Variants in PCDHA6 observed in about 807,000 individuals in gnomAD.
PCDHA6 encodes the protein protocadherin alpha-6.
PCDHA6 carries 55 observed loss-of-function variants against 60.3 expected under a neutral mutation model. That is an observed-to-expected ratio of 0.91 (90% confidence interval 0.73 to 1.14). The LOEUF (loss-of-function observed/expected upper bound fraction) is 1.14. Among genes scored for constraint, PCDHA6 ranks in the 50% most tolerant of loss-of-function variants. The probability of loss-of-function intolerance (pLI) is 0.00; values close to 1 mark genes in which losing one functional copy is unlikely to be tolerated. For missense variants in PCDHA6, 1,327 were observed against 1,256.5 expected (o/e 1.06, Z -0.85); for synonymous variants, 652 against 557.9 (o/e 1.17, Z -2.38).
intron 1 of PCDHA6, chr5:140,834,498 G>T: frequency 6.2e-7 from 1 of 1,614,130 alleles, no homozygotes; most frequent in Non-Finnish European, 8.5e-7. Context: ...CCCCGAGGAG[G>T]CTAAACATGG....
chr5:140,902,114 A>G (rs2069112413), intron 1 of PCDHA6, among the ~76,000 whole-genome samples: 1 of 151,286 alleles, frequency 6.6e-6, no homozygotes. Flanking sequence ...TTTTTTTAAA[A>G]CTGAGATTAT....
chr5:140,848,405 C>T, intron 1 of PCDHA6: 2 of 1,329,956 alleles, frequency 1.5e-6, no homozygotes, highest in Non-Finnish European at 2.1e-6. Flanking sequence ...TGAACGATGG[C>T]GAACACAGCA....
intron 1 of PCDHA6, chr5:140,882,426 G>A (rs148335988): frequency 6.1e-5 from 99 of 1,613,954 alleles, no homozygotes; most frequent in Non-Finnish European, 7.9e-5. Context: ...CAGGACCTGG[G>A]GCTGGAGCTG....
At chr5:140,840,775 T>C (rs1318625823) in intron 1 of PCDHA6, among the ~76,000 whole-genome samples, 1 of 152,052 alleles carries the variant, frequency 6.6e-6, no homozygotes, top group Non-Finnish European at 1.5e-5. Flanking sequence ...GTAGAAAAGT[T>C]AGAATTATAT....
At position 140,926,291 on chromosome 5, in the gene PCDHA6, G is replaced by A. The variant is rs545188065; in HGVS notation, c.2395-52658G>A. 3.9e-5 allele frequency: 6 copies of A among 152,438 alleles called. No individual in the cohort carries two copies. The South Asian group carries it at 1.0e-3, about 26-fold the overall frequency. 9.4% of individuals were successfully genotyped at this position (152,438 alleles called of 1,614,324 possible). A position where few individuals can be genotyped will look rare whatever the true frequency, so the allele number is the denominator to read the frequency against. ...CCTCCGCTCGGCAGCTCCACGCTGA[G>A]TCCCGCCCTCTCCGCCGGAGAGGTG... On this transcript the variant is annotated intron_variant, in intron 1 of 3. Transcript: ENST00000529310.
intron 1 of PCDHA6, among the ~76,000 whole-genome samples, chr5:140,909,351 T>C (rs2153508982): frequency 6.6e-6 from 1 of 152,238 alleles, no homozygotes; most frequent in African/African-American, 2.4e-5. Context: ...TACCAAGAGA[T>C]GTGTTAATTT....
At chr5:140,966,751 G>A (rs1554228608) in intron 1 of PCDHA6, 1 of 1,429,674 alleles carries the variant, frequency 7.0e-7, no homozygotes, top group Admixed American at 2.7e-5. Flanking sequence ...GGCTGCCTCC[G>A]CCGCGGCCAG....
intron 1 of PCDHA6, chr5:140,850,718 TTCTAGCGCGGTGGGGAGTTGGTCGTAC>T (rs2041783529): frequency 1.3e-6 from 2 of 1,597,556 alleles, no homozygotes; most frequent in African/African-American, 2.7e-5. Flanking sequence ...CGCTGGTGTG[TTCTAGCGCGGTGGGGAGTTGGTCGTAC>T]TCGCAGCAGA....
At position 140,978,454 on chromosome 5, in the gene PCDHA6, C is replaced by T. The variant is rs980177257; in HGVS notation, c.2395-495C>T. Among the ~76,000 whole-genome samples, 5 of 152,314 alleles carry T rather than the reference C, an allele frequency of 3.3e-5. No individual in the cohort carries two copies. The South Asian group carries it at 8.3e-4, about 25-fold the overall frequency. ...TGCTGGTGTTATGACTGGGCACATC[C>T]GCCCTGGGTCAAATATGCTGCAGTC... On this transcript the variant is annotated intron_variant, in intron 1 of 3. Coordinates refer to ENST00000529310, the MANE Select transcript of PCDHA6 (RefSeq NM_018909.4).
intron 1 of PCDHA6, chr5:140,883,167 G>A (rs781855278): frequency 6.2e-7 from 1 of 1,613,864 alleles, no homozygotes; most frequent in East Asian, 2.2e-5. Context: ...CCGAACAATG[G>A]AGAAATTAGG....
intron 1 of PCDHA6, chr5:140,927,199 G>A: frequency 4.3e-6 from 7 of 1,614,128 alleles, no homozygotes; most frequent in Non-Finnish European, 5.9e-6. Context: ...GGTGCTCGAG[G>A]ACCCGCTGGA....
intron 1 of PCDHA6, among the ~76,000 whole-genome samples, chr5:140,912,539 T>C (rs2075967162): frequency 6.6e-6 from 1 of 152,172 alleles, no homozygotes; most frequent in Non-Finnish European, 1.5e-5. Flanking sequence ...CATGATCATA[T>C]TGTCAGCAAA....
At chr5:141,008,488 C>A (rs1300609417) in intron 3 of PCDHA6, among the ~76,000 whole-genome samples, 1 of 152,124 alleles carries the variant, frequency 6.6e-6, no homozygotes, top group Non-Finnish European at 1.5e-5. Flanking sequence ...CTAGAAGTCA[C>A]TGGTATACTT....
intron 1 of PCDHA6, chr5:140,859,021 T>C (rs537770888): frequency 6.6e-6 from 1 of 151,436 alleles, no homozygotes; most frequent in Admixed American, 6.6e-5. Context: ...GCAATTAAGT[T>C]AAATGCTTTG....
intron 1 of PCDHA6, among the ~76,000 whole-genome samples, chr5:140,944,351 C>A (rs530648518): frequency 6.6e-6 from 1 of 152,198 alleles, no homozygotes; most frequent in South Asian, 2.1e-4. Context: ...CCACACCTGG[C>A]TAATTTTTAA....
intron 1 of PCDHA6, chr5:140,877,407 C>A: frequency 6.2e-7 from 1 of 1,613,942 alleles, no homozygotes; most frequent in Non-Finnish European, 8.5e-7. Flanking sequence ...CTCCGCGCCA[C>A]CGCCTGCTGG....
chr5:140,851,802 T>G (rs1303108162), intron 1 of PCDHA6: 1 of 945,220 alleles, frequency 1.1e-6, no homozygotes, highest in Admixed American at 6.3e-5. Flanking sequence ...GTTCTGTCAG[T>G]AATCCATAAG....
At chr5:140,941,194 TCTTTCTTCC>T (rs781813612) in intron 1 of PCDHA6, among the ~76,000 whole-genome samples, 93 of 112,424 alleles carry the variant, frequency 8.3e-4, no homozygotes, top group South Asian at 2.2e-3. Flanking sequence ...TCTTTTTTTT[TCTTTCTTCC>T]TTTCTTTCTT....
At chr5:140,933,446 C>T (rs543444309) in intron 1 of PCDHA6, among the ~76,000 whole-genome samples, 1 of 151,990 alleles carries the variant, frequency 6.6e-6, no homozygotes, top group Non-Finnish European at 1.5e-5. Flanking sequence ...AATGACATAC[C>T]TTCAAAATAT....
Sources: gnomAD v4.1 joint callset for allele counts (sites outside exome capture counted in the v4.1 genomes callset) on GRCh38, gnomAD v4.1.1 for gene constraint, MANE v1.5 for transcripts, NCBI Gene and HGNC (gene_info 2026-07-23, HGNC 2026-07-21) for gene names.